Variants in KCNQ1OT1 observed in about 807,000 individuals in gnomAD.
KCNQ1OT1 encodes KCNQ1 antisense RNA 2 (non-protein coding).
chr11:2,680,104 C>T (rs182330668), exon 1 of KCNQ1OT1: 10 of 395,362 alleles, frequency 2.5e-5, no homozygotes, highest in Non-Finnish European at 4.4e-5. Flanking sequence ...GTTGGCCAGG[C>T]TGGTCTCAAA....
exon 1 of KCNQ1OT1, chr11:2,639,295 T>C (rs115614041): frequency 0.065 from 9,853 of 152,212 alleles, 399 homozygotes; most frequent in African/African-American, 0.096. Flanking sequence ...GTGCTCTGAG[T>C]TTTAGAATTT....
exon 1 of KCNQ1OT1, chr11:2,634,199 T>C (rs1849413588): frequency 2.5e-6 from 1 of 397,016 alleles, no homozygotes; most frequent in Non-Finnish European, 4.4e-6. Flanking sequence ...CTTTAAGTTC[T>C]AGGGTACATG....
rs1038041723 is a variant in KCNQ1OT1, at chr11:2,626,317, T to A, written n.73678A>T. ...ATTCTCTTGAGTTAATTTTTGTGTATGGTATTAGGTAAGGGTCTCAACTTC... is the reference window on the plus strand; with the variant it reads ...ATTCTCTTGAGTTAATTTTTGTGTAAGGTATTAGGTAAGGGTCTCAACTTC... On this transcript the variant is annotated non_coding_transcript_exon_variant, in exon 1 of 1. Transcript: ENST00000597346. This position sits in a 1 kb window ranked among gnomAD's most constrained non-coding sequence, Gnocchi z 4.0. 2 of 398,490 alleles carry A rather than the reference T, an allele frequency of 5.0e-6. No individual in the cohort carries two copies. The highest frequency in any genetic ancestry group is 4.4e-5 in the Admixed American group (1 of 22,726). 24.7% of individuals were successfully genotyped at this position (398,490 alleles called of 1,614,324 possible).
chr11:2,650,572 G>A (rs11023640), exon 1 of KCNQ1OT1: 1 of 398,626 alleles, frequency 2.5e-6, no homozygotes, highest in Non-Finnish European at 4.4e-6. Flanking sequence ...TTGGTGCTTA[G>A]GATGTCTGTG....
exon 1 of KCNQ1OT1, chr11:2,694,893 G>A (rs1392764812): frequency 2.5e-6 from 1 of 398,528 alleles, no homozygotes; most frequent in African/African-American, 2.1e-5. Context: ...ATTGTCAAGG[G>A]AAGATCACCA....
exon 1 of KCNQ1OT1, chr11:2,646,417 A>G: frequency 2.5e-6 from 1 of 398,498 alleles, no homozygotes; most frequent in Non-Finnish European, 4.4e-6. Flanking sequence ...GAAATCTTTC[A>G]CCTCCTTGGT....
rs1243524675 is a variant in KCNQ1OT1 at position 2,613,228 on chromosome 11, A to G, written n.86767T>C. On this transcript the variant is annotated non_coding_transcript_exon_variant, in exon 1 of 1. Coordinates refer to ENST00000597346, the Ensembl canonical transcript of KCNQ1OT1. The surrounding 1 kb of genome is among the most constrained non-coding windows in gnomAD (Gnocchi z 4.8). Reference sequence around the variant, plus strand: ...TTACTGTCTGCTTGCAAAAGGTCTCACAGTCAGCCAAGGATAAGTAGATAG... The same window carrying G: ...TTACTGTCTGCTTGCAAAAGGTCTCGCAGTCAGCCAAGGATAAGTAGATAG... 5.3e-5 allele frequency: 21 copies of G among 398,404 alleles called. No homozygotes were observed. The highest frequency in any genetic ancestry group is 8.4e-5 in the Non-Finnish European group (19 of 226,070). The allele number at this position is 398,404 out of a possible 1,614,324, so 24.7% of individuals were successfully genotyped here. A position where few individuals can be genotyped will look rare whatever the true frequency, so the allele number is the denominator to read the frequency against.
chr11:2,614,426 G>A (rs1369491832), exon 1 of KCNQ1OT1: 1 of 398,388 alleles, frequency 2.5e-6, no homozygotes, highest in Non-Finnish European at 4.4e-6. Flanking sequence ...ACAATATTGT[G>A]TTTTTTGTGT....
At chr11:2,696,698 G>A (rs970843344) in exon 1 of KCNQ1OT1, 6 of 398,458 alleles carry the variant, frequency 1.5e-5, no homozygotes, top group Non-Finnish European at 2.7e-5. Context: ...AAAATAAAAT[G>A]TCTCTGCATA....
exon 1 of KCNQ1OT1, chr11:2,694,865 T>C (rs751749369): frequency 2.5e-6 from 1 of 398,476 alleles, no homozygotes; most frequent in Non-Finnish European, 4.4e-6. Context: ...TCCTGTGAGA[T>C]TTAAATAAGA....
At chr11:2,685,959 G>A (rs1339849377) in exon 1 of KCNQ1OT1, 9 of 398,648 alleles carry the variant, frequency 2.3e-5, no homozygotes, top group East Asian at 3.6e-5. Flanking sequence ...TGGGTCACAC[G>A]GATGAGGCCT....
chr11:2,613,334 G>A lies in KCNQ1OT1; in HGVS notation n.86661C>T, dbSNP rs923122503. 5 of 398,408 alleles carry A rather than the reference G, an allele frequency of 1.3e-5. No individual in the cohort carries two copies. Among genetic ancestry groups the A allele is most frequent in the African/African-American group, 1.0e-4 (5 of 48,598 alleles). 24.7% of individuals were successfully genotyped at this position (398,408 alleles called of 1,614,324 possible). ...TTCCTTTTAAAATTTTTCTTAATCT[G>A]TCGCTTGCCCAACCAGTATTGAAAC... is the stretch of plus-strand genomic sequence containing the variant. On this transcript the variant is annotated non_coding_transcript_exon_variant, in exon 1 of 1. Coordinates refer to ENST00000597346, the Ensembl canonical transcript of KCNQ1OT1. The surrounding 1 kb of genome is among the most constrained non-coding windows in gnomAD (Gnocchi z 4.8).
chr11:2,656,003 C>A (rs767394530), exon 1 of KCNQ1OT1: 13 of 398,512 alleles, frequency 3.3e-5, no homozygotes, highest in Non-Finnish European at 4.0e-5. Flanking sequence ...ATTTTAATTT[C>A]CTAAAACACC....
exon 1 of KCNQ1OT1, chr11:2,644,844 T>A (rs1849642159): frequency 2.5e-6 from 1 of 398,588 alleles, no homozygotes; most frequent in African/African-American, 2.1e-5. Context: ...GGAGTTCCTC[T>A]GTAGTTTAGG....
exon 1 of KCNQ1OT1, chr11:2,615,445 T>G: frequency 5.0e-6 from 2 of 398,060 alleles, no homozygotes. Flanking sequence ...CATTGTTCAA[T>G]AGCACTGGGT....
exon 1 of KCNQ1OT1, chr11:2,635,026 GTTGT>G (rs2133821187): frequency 6.6e-6 from 1 of 152,294 alleles, no homozygotes; most frequent in African/African-American, 2.4e-5. Flanking sequence ...TTTTGATAGG[GTTGT>G]TTGTTTTTTC....
rs1470370197 is a variant in KCNQ1OT1 at position 2,687,204 on chromosome 11, A to G, written n.12791T>C. ...AAGCCCAGGCTGGATAGGGAGCATC[A>G]CACTGTTGGGAAATGTGCAATTTTC... is the stretch of plus-strand genomic sequence containing the variant. On this transcript the variant is annotated non_coding_transcript_exon_variant, in exon 1 of 1. Coordinates refer to ENST00000597346, the Ensembl canonical transcript of KCNQ1OT1. The surrounding 1 kb of genome is among the most constrained non-coding windows in gnomAD (Gnocchi z 5.0). 2.5e-6 allele frequency: 1 copy of G among 398,530 alleles called. No homozygotes were observed. Among genetic ancestry groups the G allele is most frequent in the African/African-American group, 2.1e-5 (1 of 48,628 alleles). 24.7% of individuals were successfully genotyped at this position (398,530 alleles called of 1,614,324 possible). A position where few individuals can be genotyped will look rare whatever the true frequency, so the allele number is the denominator to read the frequency against.
chr11:2,695,990 T>C lies in KCNQ1OT1; in HGVS notation n.4005A>G. 2.5e-6 allele frequency: 1 copy of C among 398,648 alleles called. No homozygotes were observed. The highest frequency in any genetic ancestry group is 4.4e-6 in the Non-Finnish European group (1 of 226,060). 24.7% of individuals were successfully genotyped at this position (398,648 alleles called of 1,614,324 possible). On this transcript the variant is annotated non_coding_transcript_exon_variant, in exon 1 of 1. Coordinates refer to ENST00000597346, the Ensembl canonical transcript of KCNQ1OT1. The surrounding 1 kb of genome is among the most constrained non-coding windows in gnomAD (Gnocchi z 5.2). ...GTTTCAAATATCTTGTAATGAGTCA[T>C]GGCAAAGTTACATTCATGAGTGTAA...
Position 2,678,569 on chromosome 11 carries a change from A to G in KCNQ1OT1, n.21426T>C, listed in dbSNP as rs1464734952. The G allele has an allele frequency of 5.0e-6, 2 of 398,480 alleles. No homozygotes were observed. Among genetic ancestry groups the G allele is most frequent in the African/African-American group, 4.1e-5 (2 of 48,628 alleles). The allele number at this position is 398,480 out of a possible 1,614,324, so 24.7% of individuals were successfully genotyped here. A position where few individuals can be genotyped will look rare whatever the true frequency, so the allele number is the denominator to read the frequency against. ...AGAGCTCAGTTATTTTAATTATGTA[A>G]CTTTATGATGCACTTATCTGTGTAG... is the stretch of plus-strand genomic sequence containing the variant. On this transcript the variant is annotated non_coding_transcript_exon_variant, in exon 1 of 1. Coordinates refer to ENST00000597346, the Ensembl canonical transcript of KCNQ1OT1. This position sits in a 1 kb window ranked among gnomAD's most constrained non-coding sequence, Gnocchi z 4.9.
Sources: gnomAD v4.1 joint callset for allele counts on GRCh38, gnomAD v4.1.1 for gene constraint, Gnocchi (gnomAD v3.1) non-coding constraint, MANE v1.5 for transcripts, NCBI Gene and HGNC (gene_info 2026-07-23, HGNC 2026-07-21) for gene names.